Variants in NBEA observed in about 807,000 individuals in gnomAD.
NBEA encodes neurobeachin, also known as lysosomal-trafficking regulator 2.
A neutral mutation model predicts 343.4 loss-of-function variants in NBEA; 44 were observed. That is an observed-to-expected ratio of 0.13 (90% CI 0.10 to 0.16). NBEA has a LOEUF of 0.16. Among genes scored for constraint, NBEA ranks in the 10% least tolerant of loss-of-function variants. The probability of loss-of-function intolerance (pLI) is 1.00; values close to 1 mark genes in which losing one functional copy is unlikely to be tolerated. For synonymous variants in NBEA, 1,175 were observed against 1,238.7 expected, an observed-to-expected ratio of 0.95 and a Z score of 1.08; for missense variants, 2,555 against 3,631.3, an observed-to-expected ratio of 0.70 and a Z score of 7.62.
At chr13:34,976,654 GTTTTTTT>G (rs766823932) in intron 1 of NBEA, among the ~76,000 whole-genome samples, 3 of 127,774 alleles carry the variant, frequency 2.3e-5, no homozygotes, top group Non-Finnish European at 5.1e-5. Flanking sequence ...TTTGTTTTTT[GTTTTTTT>G]TTTTTTTTCA....
intron 38 of NBEA, among the ~76,000 whole-genome samples, chr13:35,364,523 G>A: frequency 6.6e-6 from 1 of 151,808 alleles, no homozygotes; most frequent in Non-Finnish European, 1.5e-5. Flanking sequence ...ACAAGCATCA[G>A]TGTTTTAAAA....
chr13:35,513,302 ATTTTTTTT>A (rs754363500), intron 41 of NBEA, among the ~76,000 whole-genome samples: 1 of 72,260 alleles, frequency 1.4e-5, no homozygotes, highest in African/African-American at 6.1e-5. Context: ...ACACCTGGCA[ATTTTTTTT>A]TTTTTTTTTT....
chr13:35,041,634 A>G (rs2062653924), intron 2 of NBEA, among the ~76,000 whole-genome samples: 1 of 152,000 alleles, frequency 6.6e-6, no homozygotes, highest in East Asian at 1.9e-4. Flanking sequence ...GGATATGTCC[A>G]TTTTGGAAGA....
chr13:35,159,602 C>A lies in NBEA; in HGVS notation c.3431C>A (p.Thr1144Lys). The A allele has an allele frequency of 6.2e-7, 1 of 1,611,644 alleles. No homozygotes were observed. Among genetic ancestry groups the A allele is most frequent in the Non-Finnish European group, 8.5e-7 (1 of 1,178,950 alleles). Residue 1144 changes from threonine (T) to lysine (K), a missense_variant, in exon 22 of 59, where the codon ACA (threonine) becomes AAA (lysine). Coordinates refer to ENST00000379939, the MANE Select transcript of NBEA (RefSeq NM_001385012.1). ...DEKEDLPNSSTSFLFDKIPKQ... is the reference protein window; with the variant it reads ...DEKEDLPNSSKSFLFDKIPKQ... Reference sequence around the variant, plus strand: ...AAAGAAGACCTTCCCAATAGTAGTACATCATTTCTCTTTGATAAAATACCC... The same window carrying A: ...AAAGAAGACCTTCCCAATAGTAGTAAATCATTTCTCTTTGATAAAATACCC...
At chr13:35,208,990 G>C in intron 32 of NBEA, 136 bp downstream of exon 32, 1 of 758,086 alleles carries the variant, frequency 1.3e-6, no homozygotes, top group African/African-American at 1.8e-5. Flanking sequence ...TATATTTTAT[G>C]TTATGACTTT....
chr13:35,554,714 C>A (rs1400698833), intron 43 of NBEA, among the ~76,000 whole-genome samples: 13 of 151,998 alleles, frequency 8.6e-5, no homozygotes, highest in Admixed American at 8.5e-4. Flanking sequence ...TACTTTTTTT[C>A]TTGTGGATTT....
At chr13:35,462,214 A>G (rs1369810239) in intron 40 of NBEA, among the ~76,000 whole-genome samples, 2 of 152,224 alleles carry the variant, frequency 1.3e-5, no homozygotes, top group Admixed American at 6.5e-5. Flanking sequence ...AAAGACACAT[A>G]TGATCAAAAT....
intron 6 of NBEA, among the ~76,000 whole-genome samples, chr13:35,054,643 C>CTT (rs1186551019): frequency 0.013 from 1,519 of 117,406 alleles, 37 homozygotes; most frequent in South Asian, 0.061. Context: ...GTTTTCTTTT[C>CTT]TTTTTTTTTT....
At position 35,118,596 on chromosome 13, in the gene NBEA, A is replaced by C; in HGVS notation, c.2243+122A>C. Reference sequence around the variant, plus strand: ...GCAAAGTCTTGCACATAAGAGAATAAATGGAGAATGCTGCTATTGATCCTC... The same window carrying C: ...GCAAAGTCTTGCACATAAGAGAATACATGGAGAATGCTGCTATTGATCCTC... On this transcript the variant is annotated intron_variant, in intron 16 of 58. Coordinates refer to ENST00000379939, the MANE Select transcript of NBEA (RefSeq NM_001385012.1). 8.6e-6 allele frequency: 6 copies of C among 699,394 alleles called. No homozygotes were observed. The South Asian group carries it at 1.4e-4, about 16-fold the overall frequency. 43.3% of individuals were successfully genotyped at this position (699,394 alleles called of 1,614,324 possible).
At chr13:35,199,615 A>ATT (rs1392224477) in intron 31 of NBEA, among the ~76,000 whole-genome samples, 3 of 152,034 alleles carry the variant, frequency 2.0e-5, no homozygotes, top group Non-Finnish European at 4.4e-5. Flanking sequence ...CTTATCCTGG[A>ATT]TTTTAAATTT....
At chr13:35,457,633 G>T (rs2046655956) in intron 40 of NBEA, among the ~76,000 whole-genome samples, 1 of 151,982 alleles carries the variant, frequency 6.6e-6, no homozygotes, top group South Asian at 2.1e-4. Flanking sequence ...TTTTGAGATA[G>T]AGTCCCTTTC....
chr13:35,415,271 C>T (rs1213590764), intron 38 of NBEA, among the ~76,000 whole-genome samples: 1 of 152,110 alleles, frequency 6.6e-6, no homozygotes, highest in Non-Finnish European at 1.5e-5. Context: ...GCTTTTGTTG[C>T]CATTGCTTTT....
chr13:35,309,580 T>C lies in NBEA; in HGVS notation c.5891T>C (p.Ile1964Thr). ...KNAGLAFIEL[I>T]NEGRLLCHAM... ...GCAGGACTTGCATTTATTGAGCTCA[T>C]CAATGAAGGAAGGTAATTAATTTTA... The change falls in exon 36 of 59, where the codon ATC (isoleucine) becomes ACC (threonine). Residue 1964 changes from isoleucine to threonine, a missense_variant. Coordinates refer to ENST00000379939, the MANE Select transcript of NBEA (RefSeq NM_001385012.1). The C allele has an allele frequency of 1.9e-6, 3 of 1,583,322 alleles. No individual in the cohort carries two copies. The highest frequency in any genetic ancestry group is 2.6e-6 in the Non-Finnish European group (3 of 1,164,266).
At chr13:35,463,504 G>A (rs1032833172) in intron 40 of NBEA, among the ~76,000 whole-genome samples, 1 of 151,956 alleles carries the variant, frequency 6.6e-6, no homozygotes, top group African/African-American at 2.4e-5. Context: ...GCGAGTCTGT[G>A]GTCCCAAGTA....
At chr13:35,064,164 G>A (rs2063563387) in intron 8 of NBEA, among the ~76,000 whole-genome samples, 1 of 150,950 alleles carries the variant, frequency 6.6e-6, no homozygotes, top group African/African-American at 2.4e-5. Context: ...GCAGGATATG[G>A]ACAGGATTTA....
intron 1 of NBEA, among the ~76,000 whole-genome samples, chr13:35,039,795 C>T (rs1351753824): frequency 6.6e-6 from 1 of 152,108 alleles, no homozygotes; most frequent in Non-Finnish European, 1.5e-5. Flanking sequence ...AATTCTACTC[C>T]CTGTCTGTTC....
intron 47 of NBEA, among the ~76,000 whole-genome samples, chr13:35,597,840 C>T (rs998348272): frequency 6.6e-6 from 1 of 152,104 alleles, no homozygotes; most frequent in Non-Finnish European, 1.5e-5. Flanking sequence ...AGTCATGGGG[C>T]CCTCCCAGAA....
chr13:35,471,158 G>A (rs1026834376), intron 40 of NBEA, among the ~76,000 whole-genome samples: 1 of 152,200 alleles, frequency 6.6e-6, no homozygotes, highest in Non-Finnish European at 1.5e-5. Flanking sequence ...ACAGAAGCCA[G>A]CCCAGCCCTC....
At chr13:34,991,507 C>G (rs2060748423) in intron 1 of NBEA, among the ~76,000 whole-genome samples, 1 of 152,026 alleles carries the variant, frequency 6.6e-6, no homozygotes, top group Non-Finnish European at 1.5e-5. Flanking sequence ...GAGAACTCAC[C>G]CATTATCACA....
Sources: gnomAD v4.1 joint callset for allele counts (sites outside exome capture counted in the v4.1 genomes callset) on GRCh38, gnomAD v4.1.1 for gene constraint, MANE v1.5 for transcripts, NCBI Gene and HGNC (gene_info 2026-07-23, HGNC 2026-07-21) for gene names.